HIVEP1: variants seen among roughly 807,000 people sequenced by gnomAD.
The protein encoded by HIVEP1 is HIVEP zinc finger 1, also known as zinc finger protein 40.
In HIVEP1, 36 loss-of-function variants were observed where a neutral mutation model predicts 180.0. That is an observed-to-expected ratio of 0.20 (90% CI 0.15 to 0.26). The LOEUF (loss-of-function observed/expected upper bound fraction) is 0.26, where lower values mean the gene tolerates loss of function less well. Ranked by LOEUF, HIVEP1 falls within the 10% of genes least tolerant of loss-of-function variation. The pLI, the probability that HIVEP1 is intolerant of heterozygous loss-of-function variation, is 1.00. For synonymous variants in HIVEP1, 1,239 were observed against 1,239.0 expected (o/e 1.00, Z 0.00); for missense variants, 3,143 against 3,268.7 (o/e 0.96, Z 0.94).
At chr6:12,209,209 A>G in the HIVEP1 span, among the ~76,000 whole-genome samples, 1 of 152,116 alleles carries the variant, frequency 6.6e-6, no homozygotes, top group Non-Finnish European at 1.5e-5. Flanking sequence ...ATTTTTCTCT[A>G]TATCACAAGG....
At chr6:12,077,133 T>C (rs1772417963) in intron 2 of HIVEP1, among the ~76,000 whole-genome samples, 1 of 152,162 alleles carries the variant, frequency 6.6e-6, no homozygotes, top group African/African-American at 2.4e-5. Context: ...ACCCGAGTCA[T>C]ATGCAGTGAG....
At chr6:12,201,520 T>C in the HIVEP1 span, among the ~76,000 whole-genome samples, 4 of 140,806 alleles carry the variant, frequency 2.8e-5, no homozygotes, top group Non-Finnish European at 6.4e-5. Context: ...AAAACATTTT[T>C]TTGAACATGT....
At chr6:12,076,761 T>C (rs964010307) in intron 2 of HIVEP1, among the ~76,000 whole-genome samples, 1 of 152,170 alleles carries the variant, frequency 6.6e-6, no homozygotes, top group Non-Finnish European at 1.5e-5. Context: ...ACATGCATTT[T>C]GGAGGGGACA....
chr6:12,120,850 T>C lies in HIVEP1; in HGVS notation c.1055T>C (p.Met352Thr), dbSNP rs768866653. ...CAGGTTACTCCTCAAAACCAGCAAA[T>C]GGATTCTGCTTCACCTTTGTCAATA... ...RSQVTPQNQQ[M>T]DSASPLSISP... Residue 352 changes from methionine (M) to threonine (T), a missense_variant, in exon 4 of 9, where the codon ATG becomes ACG. By Grantham distance (81) the Met-to-Thr change is moderately conservative. This residue lies in a region of HIVEP1 where 306 missense variants were observed against 310.6 expected (regional missense o/e 0.99). Transcript: ENST00000379388. The C allele has an allele frequency of 6.2e-7, 1 of 1,614,156 alleles. No homozygotes were observed. The highest frequency in any genetic ancestry group is 2.2e-5 in the East Asian group (1 of 44,886).
the HIVEP1 span, among the ~76,000 whole-genome samples, chr6:12,196,706 G>A: frequency 2.0e-5 from 3 of 152,064 alleles, no homozygotes; most frequent in Non-Finnish European, 4.4e-5. Context: ...TATTGCCCCC[G>A]AAGAGACAGA....
intron 2 of HIVEP1, among the ~76,000 whole-genome samples, chr6:12,065,995 G>C (rs1451903360): frequency 1.3e-5 from 2 of 152,104 alleles, no homozygotes; most frequent in Admixed American, 1.3e-4. Flanking sequence ...AGGAGAATGA[G>C]GGCTTCCCAG....
In HIVEP1 at chr6:12,122,113, C is replaced by T; in HGVS notation, c.2318C>T (p.Ser773Leu). The change falls in exon 4 of 9, where the codon TCA (serine) becomes TTA (leucine). Residue 773 changes from serine to leucine, a missense_variant. This residue lies in a region of HIVEP1 where 32 missense variants were observed against 70.0 expected (regional missense o/e 0.46). Coordinates refer to ENST00000379388, the MANE Select transcript of HIVEP1 (RefSeq NM_002114.4). ...GATAGTGTGAAGCCGCGGAGAACCT[C>T]ACTGTCAAGACGAGGAAGCATTGAT... ...QLDSVKPRRT[S>L]LSRRGSIDSP... 1.2e-6 allele frequency: 2 copies of T among 1,614,216 alleles called. No individual in the cohort carries two copies. The highest frequency in any genetic ancestry group is 2.2e-5 in the South Asian group (2 of 91,084).
At chr6:12,167,085 T>A (rs1442774894), downstream of HIVEP1, among the ~76,000 whole-genome samples, 1 of 152,204 alleles carries the variant, frequency 6.6e-6, no homozygotes, top group Non-Finnish European at 1.5e-5. Flanking sequence ...AATTAACCGA[T>A]GGTATTGAAT....
chr6:12,014,862 G>A (rs1465292128), intron 1 of HIVEP1, among the ~76,000 whole-genome samples: 1 of 152,244 alleles, frequency 6.6e-6, no homozygotes, highest in Non-Finnish European at 1.5e-5. Flanking sequence ...TATGCTGTGT[G>A]ATCACGTGGG....
the HIVEP1 span, among the ~76,000 whole-genome samples, chr6:12,195,323 A>G: frequency 1.3e-5 from 2 of 152,248 alleles, no homozygotes; most frequent in Admixed American, 6.5e-5. Flanking sequence ...AAATATATGC[A>G]GATAAATACA....
intron 3 of HIVEP1, among the ~76,000 whole-genome samples, chr6:12,108,270 G>A (rs550895046): frequency 1.1e-4 from 17 of 152,362 alleles, no homozygotes; most frequent in Admixed American, 9.1e-4. Context: ...CAATCCCTGA[G>A]CTAGACATAA....
In HIVEP1 at chr6:12,122,729, G is replaced by C. The variant is rs749955363; in HGVS notation, c.2934G>C (p.Lys978Asn). 12 of 1,613,670 alleles carry C rather than the reference G, an allele frequency of 7.4e-6. No individual in the cohort carries two copies. The highest frequency in any genetic ancestry group is 9.3e-6 in the Non-Finnish European group (11 of 1,179,926). The change falls in exon 4 of 9, where the codon AAG (lysine) becomes AAC (asparagine). Residue 978 changes from lysine (K) to asparagine (N), a missense_variant. This residue lies in a region of HIVEP1 where 204 missense variants were observed against 243.7 expected (regional missense o/e 0.84). Coordinates refer to ENST00000379388, the MANE Select transcript of HIVEP1 (RefSeq NM_002114.4). ...YRKLENFENH[K>N]KFYCSELHGP... Reference sequence around the variant, plus strand: ...AACTGGAAAATTTTGAAAATCATAAGAAATTTTACTGTTCTGAGTTACATG... The same window carrying C: ...AACTGGAAAATTTTGAAAATCATAACAAATTTTACTGTTCTGAGTTACATG...
At position 12,079,976 on chromosome 6, in the gene HIVEP1, C is replaced by CTATCTATA. The variant is rs753085616; in HGVS notation, c.41-9205_41-9204insCTATATAT. On this transcript the variant is annotated intron_variant, in intron 2 of 8. Transcript: ENST00000379388. ...TCTATCTATCTATCTATCTATCTAT[C>CTATCTATA]TATATCTGGTCTTTGAATTCTCCTT... is the stretch of plus-strand genomic sequence containing the variant. Among the ~76,000 whole-genome samples the CTATCTATA allele has an allele frequency of 2.7e-5, 4 of 149,624 alleles. No homozygotes were observed. In the South Asian group the frequency reaches 8.4e-4, roughly 31 times the overall value.
chr6:12,174,475 A>AC, the HIVEP1 span, among the ~76,000 whole-genome samples: 1 of 152,106 alleles, frequency 6.6e-6, no homozygotes, highest in Non-Finnish European at 1.5e-5. Flanking sequence ...CAACCCTAGT[A>AC]CCCCCAGGTC....
At chr6:12,104,425 CTTTTTTT>C (rs70981665) in intron 3 of HIVEP1, among the ~76,000 whole-genome samples, 1,067 of 72,708 alleles carry the variant, frequency 0.015, 8 homozygotes, top group African/African-American at 0.052. Context: ...CTTTTCTTTC[CTTTTTTT>C]TTTTTTTTTT....
At chr6:12,019,218 G>A (rs1041520231) in intron 2 of HIVEP1, among the ~76,000 whole-genome samples, 1 of 152,158 alleles carries the variant, frequency 6.6e-6, no homozygotes, top group African/African-American at 2.4e-5. Context: ...CGGGAGTGAA[G>A]CTCTAGGTCC....
intron 2 of HIVEP1, among the ~76,000 whole-genome samples, chr6:12,081,847 C>T (rs1408317806): frequency 6.6e-6 from 1 of 152,144 alleles, no homozygotes; most frequent in East Asian, 1.9e-4. Context: ...CCTCTCTCCT[C>T]TGTCCTGTCC....
At position 12,121,551 on chromosome 6, in the gene HIVEP1, G is replaced by A. The variant is rs1352596235; in HGVS notation, c.1756G>A (p.Glu586Lys). ...DSPKAMDPKP[E>K]LSSAQKQKDL... ...TCCAAAGGCCATGGATCCCAAGCCT[G>A]AACTTTCTAGTGCACAAAAGCAGAA... Residue 586 changes from glutamate to lysine, a missense_variant, in exon 4 of 9, where the codon GAA becomes AAA. Physicochemically the swap from Glu to Lys is moderately conservative, Grantham distance 56. Transcript: ENST00000379388. The surrounding 1 kb of genome is among the most constrained non-coding windows in gnomAD (Gnocchi z 5.3). 1.9e-6 allele frequency: 3 copies of A among 1,614,116 alleles called. No individual in the cohort carries two copies. The East Asian group carries it at 6.7e-5, about 36-fold the overall frequency.
At chr6:12,197,635 T>TCC in the HIVEP1 span, among the ~76,000 whole-genome samples, 1 of 142,324 alleles carries the variant, frequency 7.0e-6, no homozygotes, top group Non-Finnish European at 1.5e-5. Flanking sequence ...GTGGGAAGGG[T>TCC]AGGTTAGATT....
Sources: allele counts gnomAD v4.1 joint callset (sites outside exome capture counted in the v4.1 genomes callset), GRCh38; gene constraint gnomAD v4.1.1; regional missense constraint gnomAD v4.1.1; non-coding constraint Gnocchi (gnomAD v3.1); transcripts MANE v1.5; gene names NCBI Gene and HGNC (gene_info 2026-07-23, HGNC 2026-07-21).